Variants in STIP1 observed in about 807,000 individuals in gnomAD.
STIP1 encodes the protein stress induced phosphoprotein 1, also known as stress-induced-phosphoprotein 1.
A neutral mutation model predicts 77.4 loss-of-function variants in STIP1; 16 were observed. The observed-to-expected ratio is 0.21, with a 90% confidence interval of 0.14 to 0.31. The LOEUF is 0.31. STIP1 is among the 10% of genes least tolerant of loss of function. The probability of loss-of-function intolerance (pLI) is 1.00; values close to 1 mark genes in which losing one functional copy is unlikely to be tolerated. For missense variants in STIP1, 524 were observed against 684.8 expected, an observed-to-expected ratio of 0.77 and a Z score of 2.62; for synonymous variants, 258 against 246.6, an observed-to-expected ratio of 1.05 and a Z score of -0.44.
In STIP1 at chr11:64,196,294, G is replaced by T. The variant is rs753144911; in HGVS notation, c.672+481G>T. On this transcript the variant is annotated intron_variant, in intron 5 of 13. Transcript: ENST00000305218. ...GCCTGTAGTCCCAGCTACTCGGGAG[G>T]CTGAGGCAGAAGAATCGCTTGAACT... Among the ~76,000 whole-genome samples, 3 of 151,376 alleles carry T rather than the reference G, an allele frequency of 2.0e-5. No individual in the cohort carries two copies. The East Asian group carries it at 5.8e-4, about 30-fold the overall frequency.
chr11:64,194,100 C>T, intron 2 of STIP1, 89 bp from the exon 3 acceptor site: 3 of 1,525,628 alleles, frequency 2.0e-6, no homozygotes, highest in Non-Finnish European at 2.6e-6. Context: ...ATTTTTCCCC[C>T]ATAAAAGTAG....
intron 1 of STIP1, chr11:64,186,478 C>T (rs1330182905): frequency 8.5e-6 from 4 of 472,306 alleles, no homozygotes; most frequent in Non-Finnish European, 1.3e-5. Flanking sequence ...GCGCCCATCG[C>T]CCCCTGGTTG....
chr11:64,186,185 T>A lies in STIP1; in HGVS notation c.-77T>A. ...GGGGTCCCGGTAGCTTCTAGTAGGTTCCAGAAGGCGGCGCGTGCGGTTGGG... is the reference window on the plus strand; with the variant it reads ...GGGGTCCCGGTAGCTTCTAGTAGGTACCAGAAGGCGGCGCGTGCGGTTGGG... On this transcript the variant is annotated 5_prime_UTR_variant, in exon 1 of 14. Coordinates refer to ENST00000305218, the MANE Select transcript of STIP1 (RefSeq NM_006819.3). 6.4e-7 allele frequency: 1 copy of A among 1,550,460 alleles called. No individual in the cohort carries two copies.
intron 13 of STIP1, 200 bp downstream of exon 13, chr11:64,203,822 G>A: frequency 1.3e-6 from 1 of 787,018 alleles, no homozygotes; most frequent in Non-Finnish European, 2.0e-6. Context: ...CATTTGGAAA[G>A]GCCCATTTAG....
At chr11:64,195,936 C>T (rs1439638975) in intron 5 of STIP1, 123 bp downstream of exon 5, 3 of 1,391,998 alleles carry the variant, frequency 2.2e-6, no homozygotes, top group East Asian at 2.3e-5. Context: ...GAGACGGAGT[C>T]TTGCTGTGTT....
At position 64,204,386 on chromosome 11, in the gene STIP1, C is replaced by G. The variant is rs1946260735; in HGVS notation, c.*260C>G. ...TCTTTCCCCTGCCCCTAGTTGCTGT[C>G]TCGGCTGCTCTCCCATAGTTGGTTT... On this transcript the variant is annotated 3_prime_UTR_variant, in exon 14 of 14. Transcript: ENST00000305218. 1 of 474,836 alleles carries G rather than the reference C, an allele frequency of 2.1e-6. No individual in the cohort carries two copies. Among genetic ancestry groups the G allele is most frequent in the Non-Finnish European group, 3.7e-6 (1 of 270,246 alleles). The allele number at this position is 474,836 out of a possible 1,614,324, so 29.4% of individuals were successfully genotyped here.
chr11:64,193,409 A>G, intron 2 of STIP1, 122 bp downstream of exon 2: 1 of 836,300 alleles, frequency 1.2e-6, no homozygotes, highest in Non-Finnish European at 1.9e-6. Flanking sequence ...CTGTTTGAGT[A>G]TCCTCCTCAG....
intron 10 of STIP1, among the ~76,000 whole-genome samples, chr11:64,201,036 TAA>T (rs35305932): frequency 4.5e-4 from 59 of 129,772 alleles, no homozygotes; most frequent in Non-Finnish European, 6.3e-4. Context: ...CCCCTTTTTT[TAA>T]AAAAAAAAAA....
intron 1 of STIP1, chr11:64,186,489 G>A: frequency 2.4e-6 from 1 of 415,332 alleles, no homozygotes; most frequent in Non-Finnish European, 3.8e-6. Context: ...CCCCTGGTTG[G>A]GCGAGGAGGG....
intron 10 of STIP1, among the ~76,000 whole-genome samples, chr11:64,201,919 T>C (rs1295122985): frequency 6.6e-6 from 1 of 152,246 alleles, no homozygotes; most frequent in Non-Finnish European, 1.5e-5. Flanking sequence ...CATTTCTCAC[T>C]TTGAAGATGT....
intron 10 of STIP1, among the ~76,000 whole-genome samples, chr11:64,201,720 A>C (rs2134809339): frequency 6.6e-6 from 1 of 152,302 alleles, no homozygotes; most frequent in East Asian, 1.9e-4. Flanking sequence ...GTCATGTCAA[A>C]AGCATATTGA....
chr11:64,203,883 C>A, intron 13 of STIP1, 171 bp from the exon 14 acceptor site: 2 of 847,988 alleles, frequency 2.4e-6, no homozygotes, highest in South Asian at 1.5e-5. Context: ...AAGAGTAGGA[C>A]TGGCAAGTTC....
chr11:64,195,900 T>C (rs1306297216), intron 5 of STIP1, 87 bp downstream of exon 5: 1 of 1,566,266 alleles, frequency 6.4e-7, no homozygotes, highest in South Asian at 1.1e-5. Context: ...TGACCTTGAT[T>C]GACCATGATT....
chr11:64,198,852 C>G (rs1173703829), intron 8 of STIP1, among the ~76,000 whole-genome samples: 1 of 137,482 alleles, frequency 7.3e-6, no homozygotes, highest in Non-Finnish European at 1.5e-5. Context: ...GTTAATAGTT[C>G]TTGTAACATA....
At chr11:64,194,096 C>G in intron 2 of STIP1, 93 bp from the exon 3 acceptor site, 2 of 1,509,676 alleles carry the variant, frequency 1.3e-6, no homozygotes, top group South Asian at 1.3e-5. Flanking sequence ...ACTCATTTTT[C>G]CCCCATAAAA....
At chr11:64,189,061 A>G (rs919223013) in intron 1 of STIP1, among the ~76,000 whole-genome samples, 3 of 152,208 alleles carry the variant, frequency 2.0e-5, no homozygotes, top group Admixed American at 6.5e-5. Flanking sequence ...GTAAAAATAC[A>G]AAAGAAAAAA....
At chr11:64,194,943 T>A (rs960926093) in intron 4 of STIP1, among the ~76,000 whole-genome samples, 6 of 152,176 alleles carry the variant, frequency 3.9e-5, no homozygotes, top group Admixed American at 3.9e-4. Context: ...GAAACAGGGT[T>A]GAAGTTCATG....
chr11:64,204,137 AT>A lies in STIP1; in HGVS notation c.*12del, dbSNP rs1251911028. The A allele has an allele frequency of 6.2e-7, 1 of 1,614,098 alleles. No individual in the cohort carries two copies. On this transcript the variant is annotated 3_prime_UTR_variant, in exon 14 of 14. Transcript: ENST00000305218. ...ATTGCAATTCGGTGATGACTTGTTC[AT>A]CCCCCCTTCCCTTCGCCCTCATGTG...
chr11:64,197,616 T>C lies in STIP1; in HGVS notation c.902+21T>C, dbSNP rs201080576. ...GCCAAGTAGGCTCAACCTTCCAGAA[T>C]ACCTTGAGTAGCGCGGAGGGTTTGC... is the stretch of plus-strand genomic sequence containing the variant. On this transcript the variant is annotated intron_variant, in intron 7 of 13. Coordinates refer to ENST00000305218, the MANE Select transcript of STIP1 (RefSeq NM_006819.3). 54 of 1,613,080 alleles carry C rather than the reference T, an allele frequency of 3.3e-5. No homozygotes were observed. The African/African-American group carries it at 6.3e-4, about 19-fold the overall frequency.
Sources: allele counts gnomAD v4.1 joint callset (sites outside exome capture counted in the v4.1 genomes callset), GRCh38; gene constraint gnomAD v4.1.1; transcripts MANE v1.5; gene names NCBI Gene and HGNC (gene_info 2026-07-23, HGNC 2026-07-21).